Variants in SHQ1 observed in about 807,000 individuals in gnomAD.
SHQ1 encodes the protein protein SHQ1 homolog.
In SHQ1, 49 loss-of-function variants were observed where a neutral mutation model predicts 53.8. That is an observed-to-expected ratio of 0.91 (90% confidence interval 0.72 to 1.16). SHQ1 has a LOEUF of 1.16. SHQ1 is among the 50% of genes most tolerant of loss of function. SHQ1 has a pLI of 0.00. For synonymous variants in SHQ1, 243 were observed against 251.0 expected, an observed-to-expected ratio of 0.97 and a Z score of 0.30; for missense variants, 738 against 683.1, an observed-to-expected ratio of 1.08 and a Z score of -0.90.
At chr3:72,749,115 G>A (rs576569063), downstream of SHQ1, among the ~76,000 whole-genome samples, 4 of 152,262 alleles carry the variant, frequency 2.6e-5, no homozygotes, top group South Asian at 2.1e-4. Flanking sequence ...ACTGGAACTC[G>A]CATAAACTAT....
chr3:72,829,642 A>G (rs1707768588), intron 5 of SHQ1, among the ~76,000 whole-genome samples: 1 of 152,222 alleles, frequency 6.6e-6, no homozygotes, highest in Non-Finnish European at 1.5e-5. Context: ...TGTTGTCTTA[A>G]TATCTACTCA....
chr3:72,796,420 C>T (rs901208263), intron 9 of SHQ1, among the ~76,000 whole-genome samples: 10 of 152,186 alleles, frequency 6.6e-5, no homozygotes, highest in African/African-American at 2.2e-4. Context: ...TACACAGCTT[C>T]ACTTACCAGA....
At chr3:72,800,320 A>G (rs1487294839) in intron 9 of SHQ1, among the ~76,000 whole-genome samples, 1 of 152,194 alleles carries the variant, frequency 6.6e-6, no homozygotes, top group Non-Finnish European at 1.5e-5. Flanking sequence ...CACGAAACAG[A>G]CGTTAAGTAA....
At chr3:72,753,634 G>A (rs920991786) in intron 10 of SHQ1, 58 of 985,250 alleles carry the variant, frequency 5.9e-5, no homozygotes, top group Non-Finnish European at 6.9e-5. Context: ...TTCAGTGCCA[G>A]AACTTCCAGA....
chr3:72,839,841 A>T (rs1559699973), intron 4 of SHQ1, among the ~76,000 whole-genome samples: 1 of 151,700 alleles, frequency 6.6e-6, no homozygotes, highest in African/African-American at 2.4e-5. Context: ...GCTCACTGCA[A>T]CCTCTGCTTC....
chr3:72,731,379 G>GT, the SHQ1 span, among the ~76,000 whole-genome samples: 61 of 151,610 alleles, frequency 4.0e-4, 2 homozygotes, highest in Non-Finnish European at 7.1e-4. Flanking sequence ...TCATTAAAAA[G>GT]TTTTTTTAAA....
intron 9 of SHQ1, among the ~76,000 whole-genome samples, chr3:72,806,983 A>C (rs907601799): frequency 6.6e-6 from 1 of 152,160 alleles, no homozygotes; most frequent in Non-Finnish European, 1.5e-5. Flanking sequence ...ACACATCTAA[A>C]TTATTTTTCT....
chr3:72,835,161 A>G (rs886286367), intron 4 of SHQ1, among the ~76,000 whole-genome samples: 4 of 149,600 alleles, frequency 2.7e-5, no homozygotes, highest in African/African-American at 9.9e-5. Context: ...CCATCTCAAC[A>G]TCCTCAACAT....
At chr3:72,741,280 G>A in the SHQ1 span, among the ~76,000 whole-genome samples, 2 of 152,162 alleles carry the variant, frequency 1.3e-5, no homozygotes, top group Non-Finnish European at 2.9e-5. Flanking sequence ...GGCAGAATCT[G>A]TGGCTACAGA....
chr3:72,737,156 T>A, the SHQ1 span, among the ~76,000 whole-genome samples: 1 of 151,902 alleles, frequency 6.6e-6, no homozygotes. Flanking sequence ...GGTGCATCTG[T>A]AGTCCTAGCT....
intron 10 of SHQ1, among the ~76,000 whole-genome samples, chr3:72,756,100 T>C (rs979666422): frequency 3.3e-5 from 5 of 152,096 alleles, no homozygotes; most frequent in Non-Finnish European, 7.4e-5. Flanking sequence ...GTTCTCCCTA[T>C]GTTGCCCAGG....
intron 5 of SHQ1, among the ~76,000 whole-genome samples, chr3:72,830,736 T>C (rs1340020415): frequency 6.6e-6 from 1 of 152,158 alleles, no homozygotes; most frequent in Admixed American, 6.5e-5. Flanking sequence ...ATTTAAACCA[T>C]TCTTGTAAGA....
intron 9 of SHQ1, among the ~76,000 whole-genome samples, chr3:72,802,532 C>T (rs111366962): frequency 0.02 from 3,055 of 152,258 alleles, 107 homozygotes; most frequent in African/African-American, 0.071. Context: ...CCTACCATTC[C>T]CCTTCACACC....
At chr3:72,753,655 A>T in intron 10 of SHQ1, 1 of 985,306 alleles carries the variant, frequency 1.0e-6, no homozygotes, top group Non-Finnish European at 1.2e-6. Context: ...GCGCTTAGAG[A>T]AAGGGAGGGG....
chr3:72,836,272 C>T (rs974868032), intron 4 of SHQ1, among the ~76,000 whole-genome samples: 7 of 152,146 alleles, frequency 4.6e-5, no homozygotes, highest in African/African-American at 1.7e-4. Context: ...GGCAGATCAC[C>T]AGGTCAGGAG....
chr3:72,839,033 C>A (rs868373879), intron 4 of SHQ1, among the ~76,000 whole-genome samples: 1 of 151,894 alleles, frequency 6.6e-6, no homozygotes, highest in South Asian at 2.1e-4. Context: ...TCATTCTAGG[C>A]TCACATTATG....
chr3:72,806,862 G>A (rs1706963347), intron 9 of SHQ1, among the ~76,000 whole-genome samples: 1 of 152,054 alleles, frequency 6.6e-6, no homozygotes, highest in African/African-American at 2.4e-5. Flanking sequence ...CACATTTCTT[G>A]TAAGGCACTT....
intron 5 of SHQ1, among the ~76,000 whole-genome samples, chr3:72,831,055 T>C (rs1287245231): frequency 6.6e-6 from 1 of 152,262 alleles, no homozygotes; most frequent in Non-Finnish European, 1.5e-5. Flanking sequence ...ATATTCAGCA[T>C]GATTTTAAAT....
At chr3:72,743,609 C>T in the SHQ1 span, among the ~76,000 whole-genome samples, 1 of 152,224 alleles carries the variant, frequency 6.6e-6, no homozygotes, top group South Asian at 2.1e-4. Flanking sequence ...GCAACACGGC[C>T]GATGCTAGGT....
Sources: gnomAD v4.1 joint callset for allele counts (sites outside exome capture counted in the v4.1 genomes callset) on GRCh38, gnomAD v4.1.1 for gene constraint, MANE v1.5 for transcripts, NCBI Gene and HGNC (gene_info 2026-07-23, HGNC 2026-07-21) for gene names.